Variants in ASH1L observed in about 807,000 individuals in gnomAD.
The protein encoded by ASH1L is ASH1 like histone lysine methyltransferase, also known as histone-lysine N-methyltransferase ASH1L.
In ASH1L, 23 loss-of-function variants were observed where a neutral mutation model predicts 269.0. That is an observed-to-expected ratio of 0.09 (90% CI 0.06 to 0.12). The LOEUF is 0.12. Ranked by LOEUF, ASH1L falls within the 10% of genes least tolerant of loss-of-function variation. The pLI is 1.00. For missense variants in ASH1L, 2,912 were observed against 3,567.8 expected (o/e 0.82, Z 4.68); for synonymous variants, 1,187 against 1,253.5 (o/e 0.95, Z 1.12).
chr1:155,360,970 G>C (rs942845704), intron 12 of ASH1L, among the ~76,000 whole-genome samples: 4 of 151,858 alleles, frequency 2.6e-5, no homozygotes, highest in Non-Finnish European at 5.9e-5. Context: ...ACCAGGCGCC[G>C]TAGCTCACGC....
intron 5 of ASH1L, among the ~76,000 whole-genome samples, chr1:155,431,401 C>T (rs1661586825): frequency 6.6e-6 from 1 of 151,884 alleles, no homozygotes. Context: ...GTGATCCTCC[C>T]ACCTCAGCCT....
chr1:155,401,201 G>A (rs1658816770), intron 6 of ASH1L, among the ~76,000 whole-genome samples: 1 of 150,762 alleles, frequency 6.6e-6, no homozygotes, highest in South Asian at 2.1e-4. Context: ...CGGTGGCCGG[G>A]CATGGTGGCT....
At chr1:155,375,573 G>A (rs1201961496) in intron 10 of ASH1L, among the ~76,000 whole-genome samples, 1 of 152,104 alleles carries the variant, frequency 6.6e-6, no homozygotes, top group African/African-American at 2.4e-5. Context: ...GATCACCTGA[G>A]GTCAGGAGTT....
intron 6 of ASH1L, among the ~76,000 whole-genome samples, chr1:155,403,696 T>C (rs1414737497): frequency 1.3e-5 from 2 of 152,076 alleles, no homozygotes; most frequent in Admixed American, 6.6e-5. Context: ...GGGAACTAGA[T>C]GCAAAAATTG....
At chr1:155,487,700 T>A (rs1451790540) in intron 2 of ASH1L, among the ~76,000 whole-genome samples, 1 of 151,742 alleles carries the variant, frequency 6.6e-6, no homozygotes, top group African/African-American at 2.4e-5. Flanking sequence ...TTTCTTAATC[T>A]GAATGTTGGT....
At position 155,372,551 on chromosome 1, in the gene ASH1L, C is replaced by T. The variant is rs532913727; in HGVS notation, c.6333-1568G>A. Among the ~76,000 whole-genome samples, 5 of 152,068 alleles carry T rather than the reference C, an allele frequency of 3.3e-5. No individual in the cohort carries two copies. In the South Asian group the frequency reaches 6.2e-4, roughly 19 times the overall value. ...CTCGAACTCCTGGCCTCAAGTGATC[C>T]GCCCACCTCAGCCTCTCAAAGTTCT... On this transcript the variant is annotated intron_variant, in intron 10 of 27. Transcript: ENST00000392403.
At chr1:155,369,730 A>G (rs908818668) in intron 12 of ASH1L, among the ~76,000 whole-genome samples, 3 of 152,174 alleles carry the variant, frequency 2.0e-5, no homozygotes, top group Admixed American at 2.0e-4. Flanking sequence ...TCCATGTAAC[A>G]CAGTGCCTAG....
intron 13 of ASH1L, 60 bp from the exon 14 acceptor site, chr1:155,357,809 C>T: frequency 6.8e-7 from 1 of 1,479,554 alleles, no homozygotes. Flanking sequence ...TCTTTCCTGT[C>T]ACTCAGGCTG....
chr1:155,522,487 T>G (rs1295469766), intron 1 of ASH1L, among the ~76,000 whole-genome samples: 1 of 152,180 alleles, frequency 6.6e-6, no homozygotes. Context: ...CAATTTATTT[T>G]TACAAGTTTT....
At chr1:155,442,882 GT>G (rs1193510997) in intron 4 of ASH1L, among the ~76,000 whole-genome samples, 1 of 151,952 alleles carries the variant, frequency 6.6e-6, no homozygotes, top group Non-Finnish European at 1.5e-5. Flanking sequence ...TCATTCTTTA[GT>G]TTACAGTGAG....
At chr1:155,360,904 C>T (rs780470397) in intron 12 of ASH1L, among the ~76,000 whole-genome samples, 6 of 152,132 alleles carry the variant, frequency 3.9e-5, no homozygotes, top group East Asian at 1.9e-4. Context: ...CTGTATTCCC[C>T]GCACTTTGGG....
chr1:155,487,357 T>G (rs531452491), intron 2 of ASH1L, among the ~76,000 whole-genome samples: 2 of 152,094 alleles, frequency 1.3e-5, no homozygotes, highest in Non-Finnish European at 2.9e-5. Flanking sequence ...GGGTTCTTAC[T>G]GGGTGCTAGC....
rs145610322 is a variant in ASH1L at position 155,481,034 on chromosome 1, G to A, written c.1836C>T (p.Asn612=). 541 of 1,613,928 alleles carry A rather than the reference G, an allele frequency of 3.4e-4. No individual in the cohort carries two copies. The highest frequency in any genetic ancestry group is 1.1e-3 in the South Asian group (100 of 91,064). Residue 612 remains asparagine, a synonymous_variant, in exon 3 of 28, where the codon AAC becomes AAT. Coordinates refer to ENST00000392403, the MANE Select transcript of ASH1L (RefSeq NM_018489.3). ...TATGACCAACTGACCTATGACCAAC[G>A]TTCAAGTGGGTACTTTCAGAAGTAA... is the stretch of plus-strand genomic sequence containing the variant. ...NQFTSESTHL[N]VGHRSVGHSI...
At chr1:155,558,645 T>C (rs1671760350) in intron 1 of ASH1L, among the ~76,000 whole-genome samples, 1 of 152,028 alleles carries the variant, frequency 6.6e-6, no homozygotes, top group South Asian at 2.1e-4. Context: ...CTGGGTCAAG[T>C]AATTCCCCTG....
intron 5 of ASH1L, among the ~76,000 whole-genome samples, chr1:155,431,578 T>C (rs1422273612): frequency 1.3e-5 from 2 of 151,700 alleles, no homozygotes; most frequent in African/African-American, 2.4e-5. Flanking sequence ...CTGGGTAACA[T>C]AGTGAGACCC....
At position 155,478,687 on chromosome 1, in the gene ASH1L, G is replaced by A; in HGVS notation, c.4183C>T (p.Pro1395Ser). ...PYSPSPLTAA[P>S]IGLGYYGRYP... ...CTTCCATAGTAACCTAATCCTATGGGAGCAGCTGTAAGGGGTGAAGGAGAG... is the reference window on the plus strand; with the variant it reads ...CTTCCATAGTAACCTAATCCTATGGAAGCAGCTGTAAGGGGTGAAGGAGAG... Residue 1395 changes from proline to serine, a missense_variant, in exon 3 of 28, where the codon CCC (proline) becomes TCC (serine). Around this residue, in one of 13 missense-constraint regions of ASH1L, gnomAD observed 789 missense variants for 897.6 expected, o/e 0.88. Transcript: ENST00000392403. The surrounding 1 kb of genome is among the most constrained non-coding windows in gnomAD (Gnocchi z 4.6). 6.2e-7 allele frequency: 1 copy of A among 1,613,982 alleles called. No homozygotes were observed. Among genetic ancestry groups the A allele is most frequent in the Non-Finnish European group, 8.5e-7 (1 of 1,180,002 alleles).
chr1:155,556,032 T>C (rs1571153946), intron 1 of ASH1L, among the ~76,000 whole-genome samples: 1 of 152,182 alleles, frequency 6.6e-6, no homozygotes, highest in Non-Finnish European at 1.5e-5. Flanking sequence ...GTTGAGTACA[T>C]GAAGGCTCAT....
intron 6 of ASH1L, among the ~76,000 whole-genome samples, chr1:155,403,767 G>A (rs919365031): frequency 1.3e-5 from 2 of 152,004 alleles, no homozygotes; most frequent in Non-Finnish European, 2.9e-5. Flanking sequence ...AAATTTGTGT[G>A]TGGGAGAGCT....
chr1:155,411,271 C>T (rs955999523), intron 6 of ASH1L, among the ~76,000 whole-genome samples: 2 of 152,022 alleles, frequency 1.3e-5, no homozygotes, highest in East Asian at 1.9e-4. Context: ...CATACATGTA[C>T]TAAACTGATC....
Sources: allele counts gnomAD v4.1 joint callset (sites outside exome capture counted in the v4.1 genomes callset), GRCh38; gene constraint gnomAD v4.1.1; regional missense constraint gnomAD v4.1.1; non-coding constraint Gnocchi (gnomAD v3.1); transcripts MANE v1.5; gene names NCBI Gene and HGNC (gene_info 2026-07-23, HGNC 2026-07-21).